Variants in KAZN observed in about 807,000 individuals in gnomAD.
KAZN encodes the protein kazrin.
KAZN carries 40 observed loss-of-function variants against 87.4 expected under a neutral mutation model. That is an observed-to-expected ratio of 0.46 (90% CI 0.36 to 0.60). KAZN has a LOEUF of 0.60. Among genes scored for constraint, KAZN ranks in the 20% least tolerant of loss-of-function variants. The pLI is 0.00. For missense variants in KAZN, 898 were observed against 1,073.9 expected (o/e 0.84, Z 2.29); for synonymous variants, 466 against 458.3 (o/e 1.02, Z -0.22).
At position 14,923,072 on chromosome 1, in the gene KAZN, T is replaced by C. The variant is rs1261890110; in HGVS notation, c.227-37612T>C. The stretch of plus-strand genomic sequence containing the variant: ...AGCCATAGGCCAGTGACCTAGAAAT[T>C]TGCACATCTCAGGCCTGGGCCAGTG... On this transcript the variant is annotated intron_variant, in intron 1 of 14. Transcript: ENST00000376030. This position sits in a 1 kb window ranked among gnomAD's most constrained non-coding sequence, Gnocchi z 4.2. 1.3e-5 allele frequency among the ~76,000 whole-genome samples: 2 copies of C among 152,098 alleles called. No homozygotes were observed. The highest frequency in any genetic ancestry group is 2.4e-5 in the African/African-American group (1 of 41,414).
intron 2 of KAZN, among the ~76,000 whole-genome samples, chr1:14,435,695 G>A (rs1018916212): frequency 3.3e-5 from 5 of 152,102 alleles, no homozygotes; most frequent in East Asian, 1.9e-4. Flanking sequence ...TTTGACCTTC[G>A]GCAAGATCTT....
chr1:14,857,235 G>A (rs4661307), intron 1 of KAZN, among the ~76,000 whole-genome samples: 35 of 152,138 alleles, frequency 2.3e-4, no homozygotes, highest in Middle Eastern at 3.4e-3. Context: ...TGTCAAGCAC[G>A]CAGTGCTGGC....
At position 14,355,425 on chromosome 1, in the gene KAZN, T is replaced by C. The variant is rs147370729; in HGVS notation, c.249+174833T>C. Among the ~76,000 whole-genome samples the C allele has an allele frequency of 7.5e-3, 1,133 of 151,656 alleles. 14 individuals carry two copies. The highest frequency in any genetic ancestry group is 0.025 in the African/African-American group (1,053 of 41,360). ...ATATTTATTTATTTATTTATTTATT[T>C]ATTTATTTATTTATATTATACTTTA... On this transcript the variant is annotated intron_variant, in intron 2 of 16. Transcript: ENST00000636203.
In KAZN at chr1:14,956,734, G is replaced by A. The variant is rs368810180; in HGVS notation, c.227-3950G>A. Among the ~76,000 whole-genome samples the A allele has an allele frequency of 9.8e-5, 15 of 152,296 alleles. No homozygotes were observed. In the East Asian group the frequency reaches 1.9e-3, roughly 20 times the overall value. Reference sequence around the variant, plus strand: ...TTAGTGACAGCCAAGCAGGGAAGAGGGGCCCTGGCAGGATGGTAGATTGAA... The same window carrying A: ...TTAGTGACAGCCAAGCAGGGAAGAGAGGCCCTGGCAGGATGGTAGATTGAA... On this transcript the variant is annotated intron_variant, in intron 1 of 14. Transcript: ENST00000376030.
At chr1:14,285,941 T>C (rs900646873) in intron 2 of KAZN, among the ~76,000 whole-genome samples, 5 of 152,012 alleles carry the variant, frequency 3.3e-5, no homozygotes, top group African/African-American at 1.2e-4. Context: ...TCACAGGAGA[T>C]AGATGGTTAA....
chr1:14,827,049 G>A (rs930989893), intron 1 of KAZN, among the ~76,000 whole-genome samples: 2 of 152,180 alleles, frequency 1.3e-5, no homozygotes, highest in African/African-American at 4.8e-5. Context: ...GCGGGAGGCT[G>A]CGCACATCAG....
At chr1:14,010,950 C>CT (rs959172436) in intron 1 of KAZN, among the ~76,000 whole-genome samples, 23 of 151,482 alleles carry the variant, frequency 1.5e-4, no homozygotes, top group Non-Finnish European at 2.4e-4. Context: ...CTTGCTTCCC[C>CT]TTTTTTTTTG....
intron 1 of KAZN, among the ~76,000 whole-genome samples, chr1:14,744,309 G>A (rs935888569): frequency 5.9e-5 from 9 of 152,168 alleles, no homozygotes; most frequent in Admixed American, 1.3e-4. Flanking sequence ...GGAACTATTG[G>A]CCCCATTTTA....
intron 1 of KAZN, among the ~76,000 whole-genome samples, chr1:13,914,697 G>C (rs905868960): frequency 6.6e-6 from 1 of 152,216 alleles, no homozygotes. Context: ...GCTAAATATG[G>C]CTGGGTGGAG....
rs1034120851 is a variant in KAZN, at chr1:15,096,419, C to T, written c.1547+1486C>T. Among the ~76,000 whole-genome samples the T allele has an allele frequency of 8.5e-5, 13 of 152,184 alleles. No individual in the cohort carries two copies. The highest frequency in any genetic ancestry group is 2.7e-4 in the African/African-American group (11 of 41,434). On this transcript the variant is annotated intron_variant, in intron 10 of 14. Transcript: ENST00000376030. This position sits in a 1 kb window ranked among gnomAD's most constrained non-coding sequence, Gnocchi z 4.5. ...AGAGAAGAAATGCATGGGGGGAGGA[C>T]GTCCCCACCGTCCTCTGCCTCCCAG...
chr1:14,373,549 T>C (rs1387488935), intron 2 of KAZN, among the ~76,000 whole-genome samples: 1 of 152,188 alleles, frequency 6.6e-6, no homozygotes, highest in Non-Finnish European at 1.5e-5. Context: ...TTGATTCAAA[T>C]GCTAATCTCT....
chr1:13,994,697 G>A (rs1224720797), intron 1 of KAZN, among the ~76,000 whole-genome samples: 1 of 152,138 alleles, frequency 6.6e-6, no homozygotes, highest in Non-Finnish European at 1.5e-5. Context: ...CCTATTTGGT[G>A]GGGCAGTGTC....
chr1:13,916,686 CAGGGGGAGTTCAAG>C (rs1187379982), intron 1 of KAZN, among the ~76,000 whole-genome samples: 3 of 152,116 alleles, frequency 2.0e-5, no homozygotes, highest in Admixed American at 6.5e-5. Flanking sequence ...AGCTGAACTG[CAGGGGGAGTTCAAG>C]AGACCCTTCC....
At chr1:14,664,152 G>A (rs1315997257) in intron 1 of KAZN, among the ~76,000 whole-genome samples, 1 of 152,222 alleles carries the variant, frequency 6.6e-6, no homozygotes, top group Non-Finnish European at 1.5e-5. Context: ...GAGCTGACTG[G>A]CCGGGCGTAG....
In KAZN at chr1:14,687,698, T is replaced by G. The variant is rs79933721; in HGVS notation, c.226+88475T>G. Among the ~76,000 whole-genome samples, 566 of 152,290 alleles carry G rather than the reference T, an allele frequency of 3.7e-3. 5 individuals carry two copies. The highest frequency in any genetic ancestry group is 0.013 in the African/African-American group (544 of 41,560). The stretch of plus-strand genomic sequence containing the variant: ...GAGTCGTCACTAGCTGTACCTGCAC[T>G]TTACAGCATGAAATGTAGCTGCAAG... On this transcript the variant is annotated intron_variant, in intron 1 of 14. Transcript: ENST00000376030.
chr1:13,954,496 A>G (rs905887468), intron 1 of KAZN, among the ~76,000 whole-genome samples: 1 of 152,184 alleles, frequency 6.6e-6, no homozygotes, highest in Admixed American at 6.5e-5. Context: ...GTGCATGCAG[A>G]ATGGATTTTT....
At chr1:14,302,498 C>T (rs191602105) in intron 2 of KAZN, among the ~76,000 whole-genome samples, 1 of 152,130 alleles carries the variant, frequency 6.6e-6, no homozygotes, top group East Asian at 1.9e-4. Flanking sequence ...AGACATGTAT[C>T]CTGCCCAGAG....
At chr1:14,629,566 T>C (rs1018573720) in intron 1 of KAZN, among the ~76,000 whole-genome samples, 1 of 152,180 alleles carries the variant, frequency 6.6e-6, no homozygotes, top group Non-Finnish European at 1.5e-5. Context: ...CTCCCTCCGG[T>C]TTCCTCTGTC....
At position 14,799,159 on chromosome 1, in the gene KAZN, A is replaced by G. The variant is rs555538775; in HGVS notation, c.227-161525A>G. Among the ~76,000 whole-genome samples the G allele has an allele frequency of 3.3e-5, 5 of 152,324 alleles. No individual in the cohort carries two copies. The East Asian group carries it at 5.8e-4, about 18-fold the overall frequency. On this transcript the variant is annotated intron_variant, in intron 1 of 14. Transcript: ENST00000376030. ...ATTTTAAACTGCTGACATTTGTGGC[A>G]TTGTTTGTTACTGCGGTATAACCTA...
Sources: allele counts gnomAD v4.1 joint callset (sites outside exome capture counted in the v4.1 genomes callset), GRCh38; gene constraint gnomAD v4.1.1; non-coding constraint Gnocchi (gnomAD v3.1); transcripts MANE v1.5; gene names NCBI Gene and HGNC (gene_info 2026-07-23, HGNC 2026-07-21).